Variants in ANKRD31 observed in about 807,000 individuals in gnomAD.
The protein encoded by ANKRD31 is ankyrin repeat domain 31, also known as ankyrin repeat domain-containing protein 31.
Under a neutral mutation model 186.0 loss-of-function variants are expected in ANKRD31, and 147 were observed. The observed-to-expected ratio is 0.79, with a 90% CI of 0.69 to 0.91. The LOEUF is 0.91. ANKRD31 is among the 40% of genes least tolerant of loss of function. ANKRD31 has a pLI of 0.00. For missense variants in ANKRD31, 1,986 were observed against 2,148.8 expected, an observed-to-expected ratio of 0.92 and a Z score of 1.50; for synonymous variants, 673 against 736.4, an observed-to-expected ratio of 0.91 and a Z score of 1.39.
rs920834858 is a variant in ANKRD31 at position 75,219,972 on chromosome 5, C to T, written c.288+2277G>A. 5.9e-5 allele frequency among the ~76,000 whole-genome samples: 9 copies of T among 152,018 alleles called. No individual in the cohort carries two copies. The East Asian group carries it at 7.7e-4, about 13-fold the overall frequency. ...TTGAAACTGGACCCCTTTCTTATACCGTATATAAAAATCAACTCAAGATGG... is the reference window on the plus strand; with the variant it reads ...TTGAAACTGGACCCCTTTCTTATACTGTATATAAAAATCAACTCAAGATGG... On this transcript the variant is annotated intron_variant, in intron 3 of 25. Transcript: ENST00000506364.
At chr5:75,154,472 ATCCTTG>A in intron 11 of ANKRD31, 127 bp from the exon 12 acceptor site, 16 of 834,146 alleles carry the variant, frequency 1.9e-5, no homozygotes, top group South Asian at 1.1e-4. Flanking sequence ...TTATCTATAA[ATCCTTG>A]TCCAATAAAA....
At chr5:75,140,161 A>G (rs1170754875) in intron 15 of ANKRD31, among the ~76,000 whole-genome samples, 1 of 151,606 alleles carries the variant, frequency 6.6e-6, no homozygotes, top group Non-Finnish European at 1.5e-5. Context: ...CCAAGACTGC[A>G]CCACTGCACT....
chr5:75,207,876 T>G (rs181953530), intron 4 of ANKRD31, among the ~76,000 whole-genome samples: 1 of 152,016 alleles, frequency 6.6e-6, no homozygotes, highest in African/African-American at 2.4e-5. Context: ...TTTACAACAA[T>G]AGAAGTTTTC....
chr5:75,125,375 T>C (rs1164568221), intron 17 of ANKRD31, among the ~76,000 whole-genome samples: 1 of 152,192 alleles, frequency 6.6e-6, no homozygotes. Flanking sequence ...ACTACCTCAA[T>C]CCAGTAGTTT....
At chr5:75,126,980 C>T (rs1031281019) in intron 17 of ANKRD31, among the ~76,000 whole-genome samples, 1 of 152,028 alleles carries the variant, frequency 6.6e-6, no homozygotes, top group Non-Finnish European at 1.5e-5. Context: ...GTCAGGAGTT[C>T]AAGACCAGCC....
intron 22 of ANKRD31, among the ~76,000 whole-genome samples, chr5:75,097,502 G>A (rs531251804): frequency 6.6e-6 from 1 of 152,138 alleles, no homozygotes; most frequent in East Asian, 1.9e-4. Flanking sequence ...ACTTTTTCAT[G>A]GGGTTGATTT....
Position 75,169,076 on chromosome 5 carries a change from G to C in ANKRD31, c.1610C>G (p.Thr537Arg). 2 of 1,536,938 alleles carry C rather than the reference G, an allele frequency of 1.3e-6. No homozygotes were observed. The highest frequency in any genetic ancestry group is 1.7e-6 in the Non-Finnish European group (2 of 1,146,568). The change falls in exon 11 of 26, where the codon ACA becomes AGA. Residue 537 changes from threonine to arginine, a missense_variant. By Grantham distance (71) the Thr-to-Arg change is moderately conservative (BLOSUM62 -1). Transcript: ENST00000506364. ...TCCACCTTTTAATAGTTCACTTGCT[G>C]TCCGATAAAATCCTCCTACACTAGC... ...HEASVGGFYR[T>R]ASELLKGGAD...
chr5:75,147,520 T>C lies in ANKRD31; in HGVS notation c.1906-15A>G, dbSNP rs1461080095. On this transcript the variant is annotated splice_polypyrimidine_tract_variant and intron_variant, in intron 13 of 25. Coordinates refer to ENST00000506364, the MANE Select transcript of ANKRD31 (RefSeq NM_001372053.1). Reference sequence around the variant, plus strand: ...AACTTTGGTTTCTATAGAAAAAAAATACATAGTTAGCTTTAATTTTCAGCG... The same window carrying C: ...AACTTTGGTTTCTATAGAAAAAAAACACATAGTTAGCTTTAATTTTCAGCG... The C allele has an allele frequency of 7.2e-7, 1 of 1,391,370 alleles. No homozygotes were observed. The highest frequency in any genetic ancestry group is 9.4e-7 in the Non-Finnish European group (1 of 1,064,328). The allele number at this position is 1,391,370 out of a possible 1,614,324, so 86.2% of individuals were successfully genotyped here. A position where few individuals can be genotyped will look rare whatever the true frequency, so the allele number is the denominator to read the frequency against.
At chr5:75,170,350 C>T (rs925844210) in intron 10 of ANKRD31, among the ~76,000 whole-genome samples, 16 of 152,124 alleles carry the variant, frequency 1.1e-4, no homozygotes, top group African/African-American at 3.9e-4. Context: ...AGATTAAGCA[C>T]ATAGAAAACA....
chr5:75,092,674 A>G lies in ANKRD31; in HGVS notation c.5332-1273T>C, dbSNP rs111653255. On this transcript the variant is annotated intron_variant, in intron 22 of 25. Coordinates refer to ENST00000506364, the MANE Select transcript of ANKRD31 (RefSeq NM_001372053.1). ...CTACAATGCATTGTCTAAAATGTCC[A>G]GTTCCAACAAAAAGTTATGAGACAT... Among the ~76,000 whole-genome samples the G allele has an allele frequency of 5.5e-3, 841 of 152,318 alleles. 2 individuals carry two copies. Among genetic ancestry groups the G allele is most frequent in the African/African-American group, 0.019 (780 of 41,564 alleles).
chr5:75,089,818 A>C (rs1745794737), intron 23 of ANKRD31, among the ~76,000 whole-genome samples: 1 of 152,250 alleles, frequency 6.6e-6, no homozygotes, highest in Admixed American at 6.5e-5. Context: ...GGTGCTAAAC[A>C]GTGTAACTCT....
At chr5:75,155,610 G>A (rs1752113372) in intron 11 of ANKRD31, among the ~76,000 whole-genome samples, 1 of 152,154 alleles carries the variant, frequency 6.6e-6, no homozygotes, top group Admixed American at 6.6e-5. Flanking sequence ...AAGAATGAAT[G>A]TAGGGCAGGA....
At chr5:75,113,876 G>T (rs1415501069) in intron 19 of ANKRD31, among the ~76,000 whole-genome samples, 1 of 152,084 alleles carries the variant, frequency 6.6e-6, no homozygotes, top group African/African-American at 2.4e-5. Context: ...CAAACAAAAG[G>T]CCAGAATTTG....
intron 25 of ANKRD31, among the ~76,000 whole-genome samples, chr5:75,075,287 T>C (rs1744541450): frequency 6.6e-6 from 1 of 152,198 alleles, no homozygotes; most frequent in South Asian, 2.1e-4. Flanking sequence ...CCTATGGGTA[T>C]GGTTTTCCCC....
chr5:75,210,766 T>G (rs1446353013), intron 4 of ANKRD31, 62 bp downstream of exon 4: 15 of 1,177,788 alleles, frequency 1.3e-5, no homozygotes, highest in African/African-American at 1.6e-5. Flanking sequence ...AATATTCATC[T>G]TAGATGTGCA....
At position 75,228,649 on chromosome 5, in the gene ANKRD31, G is replaced by A. The variant is rs368931551; in HGVS notation, c.178+1913C>T. 3.9e-5 allele frequency among the ~76,000 whole-genome samples: 6 copies of A among 152,192 alleles called. No homozygotes were observed. In the East Asian group the frequency reaches 7.7e-4, roughly 20 times the overall value. On this transcript the variant is annotated intron_variant, in intron 2 of 25. Coordinates refer to ENST00000506364, the MANE Select transcript of ANKRD31 (RefSeq NM_001372053.1). Reference sequence around the variant, plus strand: ...TAAATACTAAAGACTGGCAATCATTGGGAGTAGAATTATAGGGAAGAGTAA... The same window carrying A: ...TAAATACTAAAGACTGGCAATCATTAGGAGTAGAATTATAGGGAAGAGTAA...
chr5:75,103,284 C>A (rs935793247), intron 22 of ANKRD31, among the ~76,000 whole-genome samples: 1 of 152,086 alleles, frequency 6.6e-6, no homozygotes, highest in Admixed American at 6.6e-5. Flanking sequence ...AAATGCAAAT[C>A]AAAACCACAA....
chr5:75,236,626 C>G lies in ANKRD31; in HGVS notation c.61G>C (p.Val21Leu), dbSNP rs1758292209. Reference protein sequence around the residue: ...DSDETVIEGSVTESDLEEKEL... With the variant: ...DSDETVIEGSLTESDLEEKEL... Reference sequence around the variant, plus strand: ...TTTTCTTCCAGGTCGCTCTCCGTCACTGAACCCTCTATCACAGTTTCATCA... The same window carrying G: ...TTTTCTTCCAGGTCGCTCTCCGTCAGTGAACCCTCTATCACAGTTTCATCA... The change falls in exon 1 of 26, where the codon GTG (valine) becomes CTG (leucine). Residue 21 changes from valine (V) to leucine (L), a missense_variant. Transcript: ENST00000506364. 2 of 1,537,308 alleles carry G rather than the reference C, an allele frequency of 1.3e-6. No individual in the cohort carries two copies. The highest frequency in any genetic ancestry group is 1.7e-6 in the Non-Finnish European group (2 of 1,146,940).
intron 25 of ANKRD31, among the ~76,000 whole-genome samples, chr5:75,074,064 C>T (rs143888105): frequency 3.3e-5 from 5 of 152,232 alleles, no homozygotes; most frequent in African/African-American, 1.2e-4. Context: ...AGTTCACTGT[C>T]AGCATACATA....
Sources: gnomAD v4.1 joint callset for allele counts (sites outside exome capture counted in the v4.1 genomes callset) on GRCh38, gnomAD v4.1.1 for gene constraint, MANE v1.5 for transcripts, NCBI Gene and HGNC (gene_info 2026-07-23, HGNC 2026-07-21) for gene names.